The following ALG10B variants were observed in gnomAD, a reference collection of about 807,000 sequenced individuals.
ALG10B encodes the protein ALG10 alpha-1,2-glucosyltransferase B.
ALG10B carries 27 observed loss-of-function variants against 38.7 expected under a neutral mutation model. That is an observed-to-expected ratio of 0.70 (90% CI 0.51 to 0.96). ALG10B has a LOEUF of 0.96. Among genes scored for constraint, ALG10B ranks in the 40% least tolerant of loss-of-function variants. The pLI is 0.00. For missense variants in ALG10B, 522 were observed against 542.7 expected (o/e 0.96, Z 0.38); for synonymous variants, 177 against 193.3 (o/e 0.92, Z 0.70).
chr12:38,320,567 T>C lies in ALG10B; in HGVS notation c.776T>C (p.Leu259Pro). 6.2e-7 allele frequency: 1 copy of C among 1,614,142 alleles called. No homozygotes were observed. The highest frequency in any genetic ancestry group is 8.5e-7 in the Non-Finnish European group (1 of 1,179,982). Residue 259 changes from leucine to proline, a missense_variant, in exon 3 of 3, where the codon CTT (leucine) becomes CCT (proline). Coordinates refer to ENST00000308742, the MANE Select transcript of ALG10B (RefSeq NM_001013620.4). ...TTCTGTTTGACTTGGCCCTACATCC[T>C]TCTGGGATTTCTGTTTTGTGCTTTT... ...MLFCLTWPYI[L>P]LGFLFCAFVV...
In ALG10B at chr12:38,326,818, T is replaced by C. The variant is rs539631478; in HGVS notation, c.*5605T>C. 1.3e-5 allele frequency: 2 copies of C among 151,786 alleles called. No individual in the cohort carries two copies. The highest frequency in any genetic ancestry group is 2.1e-4 in the South Asian group (1 of 4,826). 9.4% of individuals were successfully genotyped at this position (151,786 alleles called of 1,614,324 possible). A position where few individuals can be genotyped will look rare whatever the true frequency, so the allele number is the denominator to read the frequency against. On this transcript the variant is annotated 3_prime_UTR_variant, in exon 3 of 3. Transcript: ENST00000308742. ...AGATTGAGGACATATTTTTAACATA[T>C]ATCCATGAGTCAACACTAATATTTA...
chr12:38,318,346 C>G lies in ALG10B; in HGVS notation c.257C>G (p.Ser86Cys). 6.2e-7 allele frequency: 1 copy of G among 1,614,092 alleles called. No homozygotes were observed. Among genetic ancestry groups the G allele is most frequent in the Non-Finnish European group, 8.5e-7 (1 of 1,179,976 alleles). ...CCTGCCATTTGGATCTTTGCATGGT[C>G]TGAACATGTTGTCTGCTCCATTGGG... is the stretch of plus-strand genomic sequence containing the variant. ...VKPAIWIFAWSEHVVCSIGML... is the reference protein window; with the variant it reads ...VKPAIWIFAWCEHVVCSIGML... Residue 86 changes from serine (S) to cysteine (C), a missense_variant, in exon 2 of 3, where the codon TCT (serine) becomes TGT (cysteine). Ser to Cys is a moderately radical substitution (Grantham distance 112). Coordinates refer to ENST00000308742, the MANE Select transcript of ALG10B (RefSeq NM_001013620.4).
rs1945744940 is a variant in ALG10B, at chr12:38,326,448, A to AT, written c.*5236dup. ...AATAACTTTCAACCATTAAAAGGTTATAACACTTTAAAGGAAAGTTTCTTA... is the reference window on the plus strand; with the variant it reads ...AATAACTTTCAACCATTAAAAGGTTATTAACACTTTAAAGGAAAGTTTCTTA... On this transcript the variant is annotated 3_prime_UTR_variant, in exon 3 of 3. Coordinates refer to ENST00000308742, the MANE Select transcript of ALG10B (RefSeq NM_001013620.4). 6.6e-6 allele frequency: 1 copy of AT among 150,512 alleles called. No individual in the cohort carries two copies. The highest frequency in any genetic ancestry group is 2.4e-5 in the African/African-American group (1 of 40,930). 9.3% of individuals were successfully genotyped at this position (150,512 alleles called of 1,614,324 possible).
At position 38,321,098 on chromosome 12, in the gene ALG10B, G is replaced by T; in HGVS notation, c.1307G>T (p.Arg436Ile). 2 of 1,613,718 alleles carry T rather than the reference G, an allele frequency of 1.2e-6. No homozygotes were observed. Among genetic ancestry groups the T allele is most frequent in the Middle Eastern group, 1.7e-4 (1 of 6,058 alleles). ...AACATAACTCTGCCTCCCACATCCA[G>T]ACTTGTTTGTGAACTGAGTTGCTAT... ...RLNITLPPTS[R>I]LVCELSCYAI... Residue 436 changes from arginine to isoleucine, a missense_variant, in exon 3 of 3, where the codon AGA (arginine) becomes ATA (isoleucine). Coordinates refer to ENST00000308742, the MANE Select transcript of ALG10B (RefSeq NM_001013620.4).
chr12:38,321,120 C>T lies in ALG10B; in HGVS notation c.1329C>T (p.Cys443=). 2 of 1,613,692 alleles carry T rather than the reference C, an allele frequency of 1.2e-6. No individual in the cohort carries two copies. The highest frequency in any genetic ancestry group is 1.7e-6 in the Non-Finnish European group (2 of 1,179,770). ...PTSRLVCELS[C]YAIVNFITFY... is the part of the protein sequence containing the mutation. ...CCAGACTTGTTTGTGAACTGAGTTGCTATGCAATTGTTAATTTCATAACTT... is the reference window on the plus strand; with the variant it reads ...CCAGACTTGTTTGTGAACTGAGTTGTTATGCAATTGTTAATTTCATAACTT... Residue 443 remains cysteine (C), a synonymous_variant, in exon 3 of 3, where the codon TGC becomes TGT. Transcript: ENST00000308742.
rs777456744 is a variant in ALG10B at position 38,321,207 on chromosome 12, G to A, written c.1416G>A (p.Met472Ile). The A allele has an allele frequency of 2.2e-5, 35 of 1,610,982 alleles. No individual in the cohort carries two copies. In the South Asian group the frequency reaches 3.8e-4, roughly 17 times the overall value. The change falls in exon 3 of 3, where the codon ATG becomes ATA. Residue 472 changes from methionine to isoleucine, a missense_variant. Transcript: ENST00000308742. ...ATAGTCAGGACATTCAAAGGTTTATGTGGTAATATCAGTGATATTTTGAAC... is the reference window on the plus strand; with the variant it reads ...ATAGTCAGGACATTCAAAGGTTTATATGGTAATATCAGTGATATTTTGAAC... ...WPNSQDIQRFMW is the reference protein window; with the variant it reads ...WPNSQDIQRFIW
rs1248607432 is a variant in ALG10B, at chr12:38,326,612, G to C, written c.*5399G>C. The C allele has an allele frequency of 6.7e-6, 1 of 149,338 alleles. No individual in the cohort carries two copies. The highest frequency in any genetic ancestry group is 2.2e-4 in the South Asian group (1 of 4,648). The allele number at this position is 149,338 out of a possible 1,614,324, so 9.3% of individuals were successfully genotyped here. ...CGAATAACAGGTTAAAGAATTTAAA[G>C]GTAAAAGACATTTCAACTAATTACA... is the stretch of plus-strand genomic sequence containing the variant. On this transcript the variant is annotated 3_prime_UTR_variant, in exon 3 of 3. Coordinates refer to ENST00000308742, the MANE Select transcript of ALG10B (RefSeq NM_001013620.4).
chr12:38,326,617 A>C lies in ALG10B; in HGVS notation c.*5404A>C, dbSNP rs1404276458. The C allele has an allele frequency of 1.3e-5, 2 of 150,740 alleles. No homozygotes were observed. Among genetic ancestry groups the C allele is most frequent in the African/African-American group, 4.9e-5 (2 of 40,854 alleles). 9.3% of individuals were successfully genotyped at this position (150,740 alleles called of 1,614,324 possible). A position where few individuals can be genotyped will look rare whatever the true frequency, so the allele number is the denominator to read the frequency against. On this transcript the variant is annotated 3_prime_UTR_variant, in exon 3 of 3. Coordinates refer to ENST00000308742, the MANE Select transcript of ALG10B (RefSeq NM_001013620.4). ...AACAGGTTAAAGAATTTAAAGGTAA[A>C]AGACATTTCAACTAATTACAAATAC...
rs189481584 is a variant in ALG10B at position 38,318,219 on chromosome 12, G to C, written c.172-42G>C. ...TGACATATTTGTGTCTGTCTTGTTC[G>C]TATTACCTCTTGCTTTTACTTCATT... On this transcript the variant is annotated intron_variant, in intron 1 of 2. Coordinates refer to ENST00000308742, the MANE Select transcript of ALG10B (RefSeq NM_001013620.4). The C allele has an allele frequency of 2.6e-3, 4,197 of 1,609,414 alleles. 36 individuals are homozygous for C. The highest frequency in any genetic ancestry group is 1.9e-3 in the Non-Finnish European group (2,260 of 1,175,856).
chr12:38,320,870 A>G lies in ALG10B; in HGVS notation c.1079A>G (p.Lys360Arg). ...DNRHYTFYVW[K>R]RVFQRYAILK... ...AGACATTATACTTTCTATGTGTGGA[A>G]AAGAGTTTTTCAAAGATATGCAATT... Residue 360 changes from lysine to arginine, a missense_variant, in exon 3 of 3, where the codon AAA becomes AGA. Coordinates refer to ENST00000308742, the MANE Select transcript of ALG10B (RefSeq NM_001013620.4). The G allele has an allele frequency of 6.2e-7, 1 of 1,613,646 alleles. No individual in the cohort carries two copies. Among genetic ancestry groups the G allele is most frequent in the Non-Finnish European group, 8.5e-7 (1 of 1,179,830 alleles).
At position 38,320,498 on chromosome 12, in the gene ALG10B, T is replaced by G. The variant is rs1340398641; in HGVS notation, c.707T>G (p.Phe236Cys). 6.2e-7 allele frequency: 1 copy of G among 1,613,964 alleles called. No individual in the cohort carries two copies. The highest frequency in any genetic ancestry group is 2.2e-5 in the East Asian group (1 of 44,882). Residue 236 changes from phenylalanine (F) to cysteine (C), a missense_variant, in exon 3 of 3, where the codon TTT (phenylalanine) becomes TGT (cysteine). By Grantham distance (205) the Phe-to-Cys change is radical. Coordinates refer to ENST00000308742, the MANE Select transcript of ALG10B (RefSeq NM_001013620.4). ...GCAGAATTCAGAAAAATTCTTCAGT[T>G]TCTTTTGGCTTATTCCATGTCCTTT... is the stretch of plus-strand genomic sequence containing the variant. ...PFAEFRKILQ[F>C]LLAYSMSFKN...
chr12:38,320,669 A>G lies in ALG10B; in HGVS notation c.878A>G (p.Tyr293Cys). The change falls in exon 3 of 3, where the codon TAC becomes TGC. Residue 293 changes from tyrosine to cysteine, a missense_variant. Tyr to Cys is a radical substitution (Grantham distance 194). Coordinates refer to ENST00000308742, the MANE Select transcript of ALG10B (RefSeq NM_001013620.4). The stretch of plus-strand genomic sequence containing the variant: ...TGTCTTCATTTTCCTCAACTATTCT[A>G]CTTTTTTTCATTTACTCTCTTTTTT... ...EACLHFPQLF[Y>C]FFSFTLFFSF... 1.2e-6 allele frequency: 2 copies of G among 1,613,496 alleles called. No homozygotes were observed. Among genetic ancestry groups the G allele is most frequent in the Non-Finnish European group, 1.7e-6 (2 of 1,179,854 alleles).
Position 38,318,335 on chromosome 12 carries a change from C to A in ALG10B, c.246C>A (p.Ile82=). 1 of 1,614,118 alleles carries A rather than the reference C, an allele frequency of 6.2e-7. No homozygotes were observed. The highest frequency in any genetic ancestry group is 1.1e-5 in the South Asian group (1 of 91,084). ...GAGTGGTCAAACCTGCCATTTGGAT[C>A]TTTGCATGGTCTGAACATGTTGTCT... ...SVGVVKPAIW[I]FAWSEHVVCS... The change falls in exon 2 of 3, where the codon ATC becomes ATA. Residue 82 remains isoleucine (I), a synonymous_variant. Coordinates refer to ENST00000308742, the MANE Select transcript of ALG10B (RefSeq NM_001013620.4).
chr12:38,317,086 C>T (rs1945662613), intron 1 of ALG10B, 22 bp downstream of exon 1: 2 of 1,613,918 alleles, frequency 1.2e-6, no homozygotes, highest in Admixed American at 1.7e-5. Context: ...AACCTGTCCC[C>T]ACCCCAGGAG....
In ALG10B at chr12:38,321,731, A is replaced by G. The variant is rs1945706811; in HGVS notation, c.*518A>G. 1 of 152,624 alleles carries G rather than the reference A, an allele frequency of 6.6e-6. No homozygotes were observed. Among genetic ancestry groups the G allele is most frequent in the African/African-American group, 2.4e-5 (1 of 41,438 alleles). The allele number at this position is 152,624 out of a possible 1,614,324, so 9.5% of individuals were successfully genotyped here. On this transcript the variant is annotated 3_prime_UTR_variant, in exon 3 of 3. Transcript: ENST00000308742. Reference sequence around the variant, plus strand: ...GAAAAGTTCCTTAACATTTCAGTAAATATAATTTTAATTCTAAGTCAAAAT... The same window carrying G: ...GAAAAGTTCCTTAACATTTCAGTAAGTATAATTTTAATTCTAAGTCAAAAT...
Position 38,320,468 on chromosome 12 carries a change from C to A in ALG10B, c.677C>A (p.Pro226Gln), listed in dbSNP as rs772510758. The part of the protein sequence containing the change: ...KEDRLPPIKG[P>Q]FAEFRKILQF... ...GACAGACTTCCACCTATTAAAGGAC[C>A]ATTTGCAGAATTCAGAAAAATTCTT... The change falls in exon 3 of 3, where the codon CCA (proline) becomes CAA (glutamine). Residue 226 changes from proline to glutamine, a missense_variant. Transcript: ENST00000308742. The A allele has an allele frequency of 4.3e-6, 7 of 1,613,872 alleles. No homozygotes were observed. The African/African-American group carries it at 9.3e-5, about 22-fold the overall frequency.
chr12:38,319,490 A>G (rs1046570885), intron 2 of ALG10B, among the ~76,000 whole-genome samples: 3 of 152,204 alleles, frequency 2.0e-5, no homozygotes, highest in Non-Finnish European at 4.4e-5. Flanking sequence ...CAAGGAAATG[A>G]CATGGTCTGA....
In ALG10B at chr12:38,324,222, C is replaced by T. The variant is rs1422969792; in HGVS notation, c.*3009C>T. 7.3e-5 allele frequency: 23 copies of T among 315,082 alleles called. No homozygotes were observed. The highest frequency in any genetic ancestry group is 1.1e-4 in the Non-Finnish European group (19 of 170,168). The allele number at this position is 315,082 out of a possible 1,614,324, so 19.5% of individuals were successfully genotyped here. A position where few individuals can be genotyped will look rare whatever the true frequency, so the allele number is the denominator to read the frequency against. ...TAATTTTTTCTATTTTTAGTAGAGCCGGGGTTTCACCGTGTTAGCCAGGCT... is the reference window on the plus strand; with the variant it reads ...TAATTTTTTCTATTTTTAGTAGAGCTGGGGTTTCACCGTGTTAGCCAGGCT... On this transcript the variant is annotated 3_prime_UTR_variant, in exon 3 of 3. Coordinates refer to ENST00000308742, the MANE Select transcript of ALG10B (RefSeq NM_001013620.4).
chr12:38,329,666 T>A lies in ALG10B; in HGVS notation c.*8453T>A, dbSNP rs59621452. ...AGTCAACTTATTCTTTATAAAAAAG[T>A]TTGTTCAAATAGCATGTTTTTATTT... is the stretch of plus-strand genomic sequence containing the variant. On this transcript the variant is annotated 3_prime_UTR_variant, in exon 3 of 3. Coordinates refer to ENST00000308742, the MANE Select transcript of ALG10B (RefSeq NM_001013620.4). The A allele has an allele frequency of 0.052, 7,943 of 154,156 alleles. 636 individuals carry two copies. Among genetic ancestry groups the A allele is most frequent in the East Asian group, 0.41 (2,158 of 5,220 alleles). The allele number at this position is 154,156 out of a possible 1,614,324, so 9.5% of individuals were successfully genotyped here.
Sources: gnomAD v4.1 joint callset for allele counts (sites outside exome capture counted in the v4.1 genomes callset) on GRCh38, gnomAD v4.1.1 for gene constraint, MANE v1.5 for transcripts, NCBI Gene and HGNC (gene_info 2026-07-23, HGNC 2026-07-21) for gene names.